The following CDH4 variants were observed in gnomAD, a reference collection of about 807,000 sequenced individuals.
CDH4 encodes the protein cadherin 4, also known as cadherin-4.
CDH4 carries 33 observed loss-of-function variants against 86.0 expected under a neutral mutation model. That is an observed-to-expected ratio of 0.38 (90% CI 0.29 to 0.51). The LOEUF (loss-of-function observed/expected upper bound fraction) is 0.51. Among genes scored for constraint, CDH4 ranks in the 20% least tolerant of loss-of-function variants. The pLI, the probability that CDH4 is intolerant of heterozygous loss-of-function variation, is 0.86. For missense variants in CDH4, 1,114 were observed against 1,307.4 expected, an observed-to-expected ratio of 0.85 and a Z score of 2.28; for synonymous variants, 555 against 549.4, an observed-to-expected ratio of 1.01 and a Z score of -0.14.
At chr20:61,915,731 G>T (rs958308062) in intron 9 of CDH4, among the ~76,000 whole-genome samples, 1 of 152,206 alleles carries the variant, frequency 6.6e-6, no homozygotes, top group Non-Finnish European at 1.5e-5. Context: ...ATGCTTTGCT[G>T]GTGGGTGGAG....
At position 61,565,403 on chromosome 20, in the gene CDH4, G is replaced by GGT. The variant is rs1568689304; in HGVS notation, c.170-178159_170-178158insTG. 6.8e-4 allele frequency among the ~76,000 whole-genome samples: 14 copies of GGT among 20,640 alleles called. 5 individuals are homozygous for GGT. Among genetic ancestry groups the GGT allele is most frequent in the South Asian group, 3.7e-3 (2 of 534 alleles). The allele number at this position is 20,640 out of a possible 152,430, so 13.5% of individuals were successfully genotyped here. ...CTCTTGGTGATGGGGTGATGGTGGT[G>GGT]GCGGTGCTCTTGCTATTGTTGTTGC... On this transcript the variant is annotated intron_variant, in intron 2 of 15. Coordinates refer to ENST00000614565, the MANE Select transcript of CDH4 (RefSeq NM_001794.5).
chr20:61,669,292 GCAC>G (rs1259444403), intron 2 of CDH4, among the ~76,000 whole-genome samples: 14 of 152,218 alleles, frequency 9.2e-5, no homozygotes, highest in African/African-American at 3.4e-4. Context: ...CACACAGCGA[GCAC>G]CACAAGTGCC....
At chr20:61,600,299 G>A (rs990509022) in intron 2 of CDH4, among the ~76,000 whole-genome samples, 1 of 152,256 alleles carries the variant, frequency 6.6e-6, no homozygotes, top group Non-Finnish European at 1.5e-5. Flanking sequence ...CCAGCTGTGA[G>A]CGTGCCGTAT....
At chr20:61,660,499 G>A (rs887916450) in intron 2 of CDH4, among the ~76,000 whole-genome samples, 8 of 152,198 alleles carry the variant, frequency 5.3e-5, no homozygotes, top group South Asian at 2.1e-4. Context: ...CAAGTCCTGC[G>A]TGTATCCATT....
intron 2 of CDH4, among the ~76,000 whole-genome samples, chr20:61,411,954 A>G (rs1021270376): frequency 1.7e-4 from 26 of 152,328 alleles, no homozygotes; most frequent in African/African-American, 6.0e-4. Flanking sequence ...CAGCAGGGTG[A>G]CTGTGGGCAC....
intron 2 of CDH4, among the ~76,000 whole-genome samples, chr20:61,352,752 TC>T (rs1359057713): frequency 1.3e-5 from 2 of 151,892 alleles, no homozygotes; most frequent in Non-Finnish European, 2.9e-5. Context: ...TGCCATTCAC[TC>T]CCCCCGGTCA....
At chr20:61,254,329 C>G (rs1034219490) in intron 1 of CDH4, among the ~76,000 whole-genome samples, 1 of 152,224 alleles carries the variant, frequency 6.6e-6, no homozygotes, top group East Asian at 1.9e-4. Flanking sequence ...CTTCCTTTCT[C>G]TCCTCTTTCT....
chr20:61,770,304 G>A (rs1371420721), intron 3 of CDH4, among the ~76,000 whole-genome samples: 1 of 152,232 alleles, frequency 6.6e-6, no homozygotes, highest in Non-Finnish European at 1.5e-5. Context: ...GACCCCCACT[G>A]CCTGGAGGGG....
Position 61,773,031 on chromosome 20 carries a change from T to G in CDH4, c.425T>G (p.Leu142Arg), listed in dbSNP as rs745810086. Residue 142 changes from leucine to arginine, a missense_variant, in exon 4 of 16, where the codon CTG becomes CGG. By Grantham distance (102) the Leu-to-Arg change is moderately radical (BLOSUM62 -2). Transcript: ENST00000614565. Reference sequence around the variant, plus strand: ...CAGAAAGGAAAGAAGGTCGTGGCTCTGGACCCCTCTCCGCCTCCGAAGGAC... The same window carrying G: ...CAGAAAGGAAAGAAGGTCGTGGCTCGGGACCCCTCTCCGCCTCCGAAGGAC... ...KPQKGKKVVALDPSPPPKDTL... is the reference protein window; with the variant it reads ...KPQKGKKVVARDPSPPPKDTL... The G allele has an allele frequency of 2.5e-6, 4 of 1,613,328 alleles. No homozygotes were observed. In the Admixed American group the frequency reaches 6.7e-5, roughly 27 times the overall value.
intron 2 of CDH4, among the ~76,000 whole-genome samples, chr20:61,706,492 T>TCC (rs2087831825): frequency 6.6e-6 from 1 of 152,164 alleles, no homozygotes; most frequent in South Asian, 2.1e-4. Context: ...CAAAGGCAGC[T>TCC]GTTCAGGAAC....
At chr20:61,857,335 G>A (rs947041914) in intron 6 of CDH4, among the ~76,000 whole-genome samples, 16 of 152,252 alleles carry the variant, frequency 1.1e-4, no homozygotes, top group African/African-American at 2.7e-4. Flanking sequence ...GGTGAGTTCC[G>A]ATGGTGGGAG....
intron 4 of CDH4, among the ~76,000 whole-genome samples, chr20:61,800,339 TG>T (rs1440576983): frequency 6.6e-6 from 1 of 152,194 alleles, no homozygotes; most frequent in Non-Finnish European, 1.5e-5. Context: ...GCCGACTCTT[TG>T]CCCCCTCCTT....
intron 4 of CDH4, among the ~76,000 whole-genome samples, chr20:61,789,727 G>C (rs1979070072): frequency 6.6e-6 from 1 of 152,244 alleles, no homozygotes; most frequent in Non-Finnish European, 1.5e-5. Context: ...GTTAGGCAGG[G>C]GCTGCAAGCA....
intron 2 of CDH4, among the ~76,000 whole-genome samples, chr20:61,620,334 A>ATGGATG (rs1360523627): frequency 6.6e-6 from 1 of 150,866 alleles, no homozygotes; most frequent in South Asian, 2.1e-4. Flanking sequence ...ATGGATGGAT[A>ATGGATG]GATGGATGGA....
At chr20:61,416,912 T>C (rs148653497) in intron 2 of CDH4, among the ~76,000 whole-genome samples, 3 of 152,136 alleles carry the variant, frequency 2.0e-5, no homozygotes, top group African/African-American at 7.2e-5. Flanking sequence ...TCACTGCCTT[T>C]GGGGAGAAGT....
At chr20:61,666,756 C>G (rs781688784) in intron 2 of CDH4, among the ~76,000 whole-genome samples, 3 of 152,218 alleles carry the variant, frequency 2.0e-5, no homozygotes, top group African/African-American at 7.2e-5. Context: ...ATCTTACCCT[C>G]GATGGGGTGT....
chr20:61,692,103 CTGTG>C (rs1172459428), intron 2 of CDH4, among the ~76,000 whole-genome samples: 1 of 149,112 alleles, frequency 6.7e-6, no homozygotes, highest in Non-Finnish European at 1.5e-5. Flanking sequence ...ATGTGTGTGT[CTGTG>C]TGTATGCATG....
intron 2 of CDH4, among the ~76,000 whole-genome samples, chr20:61,262,669 T>C (rs2084134035): frequency 6.6e-6 from 1 of 152,242 alleles, no homozygotes; most frequent in Non-Finnish European, 1.5e-5. Flanking sequence ...ATGACACTAA[T>C]TTCAAAATGT....
chr20:61,912,335 G>A (rs1019692515), intron 9 of CDH4, among the ~76,000 whole-genome samples: 1 of 152,112 alleles, frequency 6.6e-6, no homozygotes, highest in Admixed American at 6.5e-5. Flanking sequence ...GAAGAAAATA[G>A]GCTTTCTCCA....
Sources: allele counts gnomAD v4.1 joint callset (sites outside exome capture counted in the v4.1 genomes callset), GRCh38; gene constraint gnomAD v4.1.1; transcripts MANE v1.5; gene names NCBI Gene and HGNC (gene_info 2026-07-23, HGNC 2026-07-21).